TRAM1: variants seen among roughly 807,000 people sequenced by gnomAD.
The protein encoded by TRAM1 is translocating chain-associated membrane protein 1.
A neutral mutation model predicts 48.7 loss-of-function variants in TRAM1; 17 were observed. That is an observed-to-expected ratio of 0.35 (90% CI 0.24 to 0.52). TRAM1 has a LOEUF of 0.52. Ranked by LOEUF, TRAM1 falls within the 20% of genes least tolerant of loss-of-function variation. The pLI is 0.94. For synonymous variants in TRAM1, 182 were observed against 154.0 expected, an observed-to-expected ratio of 1.18 and a Z score of -1.34; for missense variants, 351 against 441.5, an observed-to-expected ratio of 0.79 and a Z score of 1.84.
chr8:70,607,977 GC>G, intron 1 of TRAM1, 99 bp downstream of exon 1: 2 of 1,400,680 alleles, frequency 1.4e-6, no homozygotes, highest in Non-Finnish European at 1.9e-6. Flanking sequence ...CCGGGCCCGA[GC>G]CCCCCGCGTC....
At chr8:70,595,246 T>C (rs985514551) in intron 5 of TRAM1, among the ~76,000 whole-genome samples, 1 of 151,444 alleles carries the variant, frequency 6.6e-6, no homozygotes, top group Non-Finnish European at 1.5e-5. Context: ...CTCTTTATTC[T>C]CCCTGCTCCT....
At chr8:70,595,313 G>A (rs1188241366) in intron 5 of TRAM1, among the ~76,000 whole-genome samples, 1 of 151,798 alleles carries the variant, frequency 6.6e-6, no homozygotes. Context: ...CTTGGTGGTC[G>A]GGGTGGAGAG....
intron 1 of TRAM1, among the ~76,000 whole-genome samples, chr8:70,603,134 G>C (rs1003497526): frequency 1.3e-5 from 2 of 152,052 alleles, no homozygotes; most frequent in Non-Finnish European, 2.9e-5. Flanking sequence ...CATTAGAGCA[G>C]AACGATGACA....
rs35449323 is a variant in TRAM1 at position 70,597,668 on chromosome 8, C to CAAA, written c.426+224_426+226dup. Among the ~76,000 whole-genome samples the CAAA allele has an allele frequency of 7.3e-3, 261 of 35,922 alleles. 22 individuals are homozygous for CAAA. Among genetic ancestry groups the CAAA allele is most frequent in the African/African-American group, 0.016 (137 of 8,682 alleles). The allele number at this position is 35,922 out of a possible 152,430, so 23.6% of individuals were successfully genotyped here. ...CTGGAGACAGAGCGAGACTCTGTCT[C>CAAA]AAAAAAAAAAAAAAAAAAAAAAAAG... On this transcript the variant is annotated intron_variant, in intron 4 of 10. Transcript: ENST00000262213.
chr8:70,604,187 C>T (rs1586767775), intron 1 of TRAM1, among the ~76,000 whole-genome samples: 1 of 152,250 alleles, frequency 6.6e-6, no homozygotes, highest in East Asian at 1.9e-4. Context: ...AATAGGTTAC[C>T]AGAAACTGTA....
rs1778037544 is a variant in TRAM1, at chr8:70,583,659, A to G, written c.881T>C (p.Leu294Ser). Reference protein sequence around the residue: ...LDFSTGNFNVLAVRIAVLASI... With the variant: ...LDFSTGNFNVSAVRIAVLASI... ...GTTAAATTGATCGTACCTAACAGCT[A>G]ACACATTGAAGTTTCCAGTACTGAA... The change falls in exon 9 of 11, where the codon TTA (leucine) becomes TCA (serine). Residue 294 changes from leucine (L) to serine (S), a missense_variant. By Grantham distance (145) the Leu-to-Ser change is moderately radical (BLOSUM62 -2). Transcript: ENST00000262213. The G allele has an allele frequency of 6.2e-7, 1 of 1,610,708 alleles. No homozygotes were observed. The highest frequency in any genetic ancestry group is 1.7e-5 in the Admixed American group (1 of 59,022).
Position 70,574,707 on chromosome 8 carries a change from T to G in TRAM1, c.*225A>C. 2.6e-6 allele frequency: 1 copy of G among 391,566 alleles called. No homozygotes were observed. The highest frequency in any genetic ancestry group is 4.5e-6 in the Non-Finnish European group (1 of 222,702). 24.3% of individuals were successfully genotyped at this position (391,566 alleles called of 1,614,324 possible). On this transcript the variant is annotated 3_prime_UTR_variant, in exon 11 of 11. Transcript: ENST00000262213. The stretch of plus-strand genomic sequence containing the variant: ...CAAAATAAAATATGGTGGTGGTCCC[T>G]AAACTATTTTGAAGGCAGGTAGCTT...
In TRAM1 at chr8:70,577,042, GA is replaced by G. The variant is rs547437691; in HGVS notation, c.1052-2038del. ...TCTTTCTTGTCATCCACAACGTGGC[GA>G]GCAGGGGGACATATTTCAGCCTTGT... On this transcript the variant is annotated intron_variant, in intron 10 of 10. Coordinates refer to ENST00000262213, the MANE Select transcript of TRAM1 (RefSeq NM_014294.6). 2.2e-4 allele frequency among the ~76,000 whole-genome samples: 34 copies of G among 152,312 alleles called. No homozygotes were observed. In the South Asian group the frequency reaches 6.9e-3, roughly 31 times the overall value.
chr8:70,584,869 G>T (rs991562114), intron 8 of TRAM1, among the ~76,000 whole-genome samples: 7 of 152,090 alleles, frequency 4.6e-5, no homozygotes, highest in African/African-American at 1.7e-4. Flanking sequence ...GTAATTTATA[G>T]ATTCAATGCC....
At position 70,580,824 on chromosome 8, in the gene TRAM1, T is replaced by C. The variant is rs537158705; in HGVS notation, c.1051+2340A>G. ...TACAAGATCAATATACAAAAGTGAA[T>C]TGTATTTCATATACAATGGCAATGA... On this transcript the variant is annotated intron_variant, in intron 10 of 10. Transcript: ENST00000262213. Among the ~76,000 whole-genome samples, 240 of 151,904 alleles carry C rather than the reference T, an allele frequency of 1.6e-3. 2 individuals are homozygous for C. The Middle Eastern group carries it at 0.024, about 15-fold the overall frequency.
In TRAM1 at chr8:70,573,486, A is replaced by G. The variant is rs1486456280; in HGVS notation, c.*1446T>C. ...TATTTTGATTGATTTCTCAATGTATAGTTCAGTATAATGCCAGTTTTTAAT... is the reference window on the plus strand; with the variant it reads ...TATTTTGATTGATTTCTCAATGTATGGTTCAGTATAATGCCAGTTTTTAAT... On this transcript the variant is annotated 3_prime_UTR_variant, in exon 11 of 11. Transcript: ENST00000262213. The G allele has an allele frequency of 6.5e-6, 1 of 152,682 alleles. No homozygotes were observed. The highest frequency in any genetic ancestry group is 1.5e-5 in the Non-Finnish European group (1 of 68,042). The allele number at this position is 152,682 out of a possible 1,614,324, so 9.5% of individuals were successfully genotyped here.
chr8:70,599,860 C>T (rs1817567428), intron 2 of TRAM1, among the ~76,000 whole-genome samples, 159 bp downstream of exon 2: 1 of 152,158 alleles, frequency 6.6e-6, no homozygotes, highest in South Asian at 2.1e-4. Flanking sequence ...TCAAAAACAT[C>T]AGATCTTGTA....
intron 1 of TRAM1, among the ~76,000 whole-genome samples, chr8:70,604,535 C>T (rs1011351068): frequency 3.3e-5 from 5 of 152,032 alleles, no homozygotes; most frequent in African/African-American, 1.2e-4. Flanking sequence ...AAGAGAGACC[C>T]TTTTGTAGTT....
intron 6 of TRAM1, among the ~76,000 whole-genome samples, chr8:70,591,760 T>C (rs1817367709): frequency 6.6e-6 from 1 of 152,170 alleles, no homozygotes; most frequent in Non-Finnish European, 1.5e-5. Context: ...AGCTCTGCAT[T>C]ATAGAGCTCT....
intron 6 of TRAM1, among the ~76,000 whole-genome samples, chr8:70,593,104 T>A (rs1305777856): frequency 6.6e-6 from 1 of 152,168 alleles, no homozygotes; most frequent in African/African-American, 2.4e-5. Flanking sequence ...TCCTATTCCT[T>A]ATCAATATAG....
chr8:70,580,627 C>A (rs1184046228), intron 10 of TRAM1, among the ~76,000 whole-genome samples: 2 of 151,978 alleles, frequency 1.3e-5, no homozygotes, highest in Non-Finnish European at 2.9e-5. Flanking sequence ...GATGCCTACC[C>A]CTAAGATCAA....
intron 5 of TRAM1, among the ~76,000 whole-genome samples, chr8:70,595,038 G>GTT (rs11464494): frequency 2.8e-3 from 413 of 145,822 alleles, no homozygotes; most frequent in Middle Eastern, 3.5e-3. Context: ...AATATCCTCT[G>GTT]TTTTTTTTTT....
At chr8:70,587,215 C>T in intron 6 of TRAM1, 39 bp from the exon 7 acceptor site, 2 of 1,590,372 alleles carry the variant, frequency 1.3e-6, no homozygotes, top group Non-Finnish European at 1.7e-6. Flanking sequence ...CATGCTAAAA[C>T]ATTTCCTTTC....
chr8:70,582,762 T>TTA, intron 10 of TRAM1, among the ~76,000 whole-genome samples: 1 of 151,222 alleles, frequency 6.6e-6, no homozygotes, highest in African/African-American at 2.4e-5. Context: ...TCAGAAGTTA[T>TTA]AAAAAAAAAG....
Sources: gnomAD v4.1 joint callset for allele counts (sites outside exome capture counted in the v4.1 genomes callset) on GRCh38, gnomAD v4.1.1 for gene constraint, MANE v1.5 for transcripts, NCBI Gene and HGNC (gene_info 2026-07-23, HGNC 2026-07-21) for gene names.